Variants in AK8 observed in about 807,000 individuals in gnomAD.
The protein encoded by AK8 is ATP-AMP transphosphorylase 8.
AK8 carries 44 observed loss-of-function variants against 54.6 expected under a neutral mutation model. The ratio of observed to expected loss-of-function variants is 0.81; its 90% CI spans 0.63 to 1.04. The LOEUF is 1.04. AK8 is among the 50% of genes least tolerant of loss of function. The probability of loss-of-function intolerance (pLI) is 0.00; values close to 1 mark genes in which losing one functional copy is unlikely to be tolerated. For missense variants in AK8, 555 were observed against 613.6 expected, an observed-to-expected ratio of 0.90 and a Z score of 1.01; for synonymous variants, 239 against 245.6, an observed-to-expected ratio of 0.97 and a Z score of 0.25.
At chr9:132,825,269 CAGAG>C (rs1280247597) in intron 8 of AK8, among the ~76,000 whole-genome samples, 1 of 152,162 alleles carries the variant, frequency 6.6e-6, no homozygotes, top group Non-Finnish European at 1.5e-5. Flanking sequence ...AAAAACAACA[CAGAG>C]AGAATTCTGC....
chr9:132,763,912 T>C (rs1461857468), intron 11 of AK8, among the ~76,000 whole-genome samples: 1 of 152,160 alleles, frequency 6.6e-6, no homozygotes, highest in Non-Finnish European at 1.5e-5. Flanking sequence ...TCAAAAAAAG[T>C]AGGAAGATTT....
chr9:132,758,361 G>A (rs904996323), intron 11 of AK8, among the ~76,000 whole-genome samples: 2 of 152,194 alleles, frequency 1.3e-5, no homozygotes, highest in Non-Finnish European at 2.9e-5. Context: ...ACTTGGTTTG[G>A]ACAGACTTAA....
rs1191662649 is a variant in AK8 at position 132,799,963 on chromosome 9, T to C, written c.980-7188A>G. 1.3e-5 allele frequency among the ~76,000 whole-genome samples: 2 copies of C among 152,164 alleles called. No individual in the cohort carries two copies. The highest frequency in any genetic ancestry group is 2.9e-5 in the Non-Finnish European group (2 of 68,032). On this transcript the variant is annotated intron_variant, in intron 10 of 12. Transcript: ENST00000298545. This position sits in a 1 kb window ranked among gnomAD's most constrained non-coding sequence, Gnocchi z 5.0. ...AATAGGACCCAGGAGGTCCAGGGAA[T>C]CTTACAAAAGGAACAGGACTGTGGA...
At chr9:132,868,438 C>G (rs1196448065) in intron 2 of AK8, among the ~76,000 whole-genome samples, 2 of 152,186 alleles carry the variant, frequency 1.3e-5, no homozygotes, top group Non-Finnish European at 2.9e-5. Flanking sequence ...CTGTTCCCTC[C>G]ACGTTCCTGC....
rs996153874 is a variant in AK8 at position 132,842,892 on chromosome 9, G to A, written c.402+11965C>T. 3.3e-5 allele frequency among the ~76,000 whole-genome samples: 5 copies of A among 152,332 alleles called. 1 individual carries two copies. Among genetic ancestry groups the A allele is most frequent in the East Asian group, 1.9e-4 (1 of 5,182 alleles). On this transcript the variant is annotated intron_variant, in intron 5 of 12. Transcript: ENST00000298545. ...AGGCCCCTGCAGTTCCTAGAGACCAGCCATGTGGGCTTCTCCAACATAGCT... is the reference window on the plus strand; with the variant it reads ...AGGCCCCTGCAGTTCCTAGAGACCAACCATGTGGGCTTCTCCAACATAGCT...
intron 1 of AK8, chr9:132,877,790 T>G: frequency 2.0e-6 from 1 of 488,272 alleles, no homozygotes. Context: ...ATTCGACAGA[T>G]GGTAATTGTC....
At position 132,770,014 on chromosome 9, in the gene AK8, T is replaced by C. The variant is rs575043422; in HGVS notation, c.1121+22620A>G. The C allele has an allele frequency of 1.3e-5, 2 of 152,134 alleles. No individual in the cohort carries two copies. The highest frequency in any genetic ancestry group is 3.9e-4 in the East Asian group (2 of 5,164). 9.4% of individuals were successfully genotyped at this position (152,134 alleles called of 1,614,324 possible). On this transcript the variant is annotated intron_variant, in intron 11 of 12. Coordinates refer to ENST00000298545, the MANE Select transcript of AK8 (RefSeq NM_152572.3). This position sits in a 1 kb window ranked among gnomAD's most constrained non-coding sequence, Gnocchi z 4.3. ...ATTATTGTTGAGCGGAGAGGGGGACTGCTCCCAGGGCTCCAGGCGAAGAGG... is the reference window on the plus strand; with the variant it reads ...ATTATTGTTGAGCGGAGAGGGGGACCGCTCCCAGGGCTCCAGGCGAAGAGG...
intron 11 of AK8, among the ~76,000 whole-genome samples, chr9:132,768,522 C>T (rs916124733): frequency 6.6e-6 from 1 of 152,222 alleles, no homozygotes; most frequent in Non-Finnish European, 1.5e-5. Flanking sequence ...CCACCTCAGC[C>T]TCCCCAAGTG....
rs146349705 is a variant in AK8 at position 132,808,807 on chromosome 9, C to T, written c.979+5831G>A. Among the ~76,000 whole-genome samples the T allele has an allele frequency of 1.0e-3, 156 of 152,280 alleles. 1 individual carries two copies. Among genetic ancestry groups the T allele is most frequent in the African/African-American group, 3.4e-3 (140 of 41,564 alleles). On this transcript the variant is annotated intron_variant, in intron 10 of 12. Transcript: ENST00000298545. ...CACAAGTCTGCAATGGCAGGGGTCC[C>T]AGTGAAAGACCAGCAGAAGGCCAGC...
chr9:132,824,486 C>T (rs992021752), intron 8 of AK8, among the ~76,000 whole-genome samples: 1 of 152,232 alleles, frequency 6.6e-6, no homozygotes, highest in African/African-American at 2.4e-5. Flanking sequence ...GGTTCCTCAT[C>T]CTCAGCACTA....
chr9:132,812,516 G>GCCGCCGCGCCCACTGGGATGAC (rs1564415023), intron 10 of AK8, among the ~76,000 whole-genome samples: 155 of 4,998 alleles, frequency 0.031, 2 homozygotes, highest in East Asian at 0.047. Flanking sequence ...TGGGATGACA[G>GCCGCCGCGCCCACTGGGATGAC]GGGTGAGCTA....
Position 132,725,840 on chromosome 9 carries a change from T to C in AK8, c.1288A>G (p.Lys430Glu). The change falls in exon 13 of 13, where the codon AAG becomes GAG. Residue 430 changes from lysine (K) to glutamate (E), a missense_variant. Coordinates refer to ENST00000298545, the MANE Select transcript of AK8 (RefSeq NM_152572.3). ...QNPKDAEEQV[K>E]LKMDLFYRNS... is the part of the protein sequence containing the mutation. The stretch of plus-strand genomic sequence containing the variant: ...CTGTAGAACAGGTCCATTTTCAGCT[T>C]GACCTGCTCTTCAGCATCCTTTGGG... 1 of 1,608,918 alleles carries C rather than the reference T, an allele frequency of 6.2e-7. No homozygotes were observed. Among genetic ancestry groups the C allele is most frequent in the Non-Finnish European group, 8.5e-7 (1 of 1,178,178 alleles).
At chr9:132,840,410 A>T (rs913725103) in intron 5 of AK8, among the ~76,000 whole-genome samples, 3 of 35,814 alleles carry the variant, frequency 8.4e-5, no homozygotes, top group African/African-American at 1.2e-4. Flanking sequence ...GGACACTCAC[A>T]CACACACACA....
At chr9:132,749,850 C>T (rs1400683884) in intron 11 of AK8, among the ~76,000 whole-genome samples, 2 of 151,870 alleles carry the variant, frequency 1.3e-5, no homozygotes, top group African/African-American at 4.8e-5. Context: ...CCAGAACCGG[C>T]GCAGAGAACA....
intron 7 of AK8, chr9:132,827,501 G>A (rs1841921624): frequency 1.4e-5 from 3 of 216,204 alleles, no homozygotes; most frequent in Non-Finnish European, 1.9e-5. Context: ...CACAGCGTGA[G>A]GCCCGGAAGA....
intron 2 of AK8, among the ~76,000 whole-genome samples, chr9:132,869,605 G>T (rs1198090413): frequency 1.3e-5 from 2 of 152,250 alleles, no homozygotes; most frequent in South Asian, 4.1e-4. Context: ...GGCATTCAGC[G>T]GCCCTTTCTC....
intron 10 of AK8, among the ~76,000 whole-genome samples, chr9:132,811,779 A>G (rs750511495): frequency 1.2e-4 from 18 of 152,240 alleles, no homozygotes; most frequent in Non-Finnish European, 2.1e-4. Flanking sequence ...TATCCTAATA[A>G]GATCACCAGG....
intron 11 of AK8, among the ~76,000 whole-genome samples, chr9:132,757,258 C>T (rs1360593522): frequency 1.3e-5 from 2 of 152,140 alleles, no homozygotes; most frequent in African/African-American, 4.8e-5. Flanking sequence ...CAGAGGGTTC[C>T]GGAGCAGGAC....
At chr9:132,796,635 T>G (rs1364292882) in intron 10 of AK8, among the ~76,000 whole-genome samples, 1 of 152,056 alleles carries the variant, frequency 6.6e-6, no homozygotes, top group East Asian at 1.9e-4. Flanking sequence ...ACTTGCAAAG[T>G]TAATATAGAC....
Sources: gnomAD v4.1 joint callset for allele counts (sites outside exome capture counted in the v4.1 genomes callset) on GRCh38, gnomAD v4.1.1 for gene constraint, Gnocchi (gnomAD v3.1) non-coding constraint, MANE v1.5 for transcripts, NCBI Gene and HGNC (gene_info 2026-07-23, HGNC 2026-07-21) for gene names.